The following CLSTN2 variants were observed in gnomAD, a reference collection of about 807,000 sequenced individuals.
CLSTN2 encodes the protein calsyntenin-2.
CLSTN2 carries 48 observed loss-of-function variants against 101.2 expected under a neutral mutation model. The observed-to-expected ratio is 0.47, with a 90% CI of 0.38 to 0.60. The LOEUF (loss-of-function observed/expected upper bound fraction) is 0.60. CLSTN2 is among the 20% of genes least tolerant of loss of function. CLSTN2 has a pLI of 0.00. For synonymous variants in CLSTN2, 481 were observed against 463.6 expected (o/e 1.04, Z -0.48); for missense variants, 1,160 against 1,238.2 (o/e 0.94, Z 0.95).
At chr3:140,563,046 C>T (rs754560718) in intron 14 of CLSTN2, 34 bp from the exon 15 acceptor site, 2 of 1,613,332 alleles carry the variant, frequency 1.2e-6, no homozygotes, top group Admixed American at 3.3e-5. Context: ...CCTGCCACTC[C>T]TGGGTCAATA....
At chr3:140,010,044 T>C (rs1463518178) in intron 1 of CLSTN2, among the ~76,000 whole-genome samples, 2 of 152,192 alleles carry the variant, frequency 1.3e-5, no homozygotes, top group Non-Finnish European at 2.9e-5. Flanking sequence ...CCACCCACAG[T>C]CATCCATAAC....
chr3:140,330,555 C>T (rs1357952157), intron 2 of CLSTN2, among the ~76,000 whole-genome samples: 4 of 152,130 alleles, frequency 2.6e-5, no homozygotes, highest in African/African-American at 4.8e-5. Flanking sequence ...TTTTCTTGCC[C>T]TCTCACTCTG....
intron 1 of CLSTN2, among the ~76,000 whole-genome samples, chr3:140,004,995 G>C (rs1056060123): frequency 1.3e-5 from 2 of 152,190 alleles, no homozygotes; most frequent in African/African-American, 4.8e-5. Context: ...TGCATTAGGT[G>C]GTCTCTGTCT....
intron 2 of CLSTN2, among the ~76,000 whole-genome samples, chr3:140,362,430 G>T (rs992394683): frequency 1.3e-5 from 2 of 151,994 alleles, no homozygotes; most frequent in African/African-American, 2.4e-5. Flanking sequence ...GACATGAAAA[G>T]CATGACTCAT....
At chr3:140,151,278 A>C (rs1397033987) in intron 1 of CLSTN2, among the ~76,000 whole-genome samples, 1 of 152,014 alleles carries the variant, frequency 6.6e-6, no homozygotes, top group East Asian at 1.9e-4. Context: ...GATACCTTTG[A>C]CCTATGGAGG....
chr3:140,330,900 A>G (rs566128382), intron 2 of CLSTN2, among the ~76,000 whole-genome samples: 33 of 152,208 alleles, frequency 2.2e-4, no homozygotes, highest in Admixed American at 5.9e-4. Flanking sequence ...TCTGCTCACC[A>G]GGTGTATTAA....
At chr3:140,102,440 G>C (rs1252434451) in intron 1 of CLSTN2, among the ~76,000 whole-genome samples, 1 of 152,220 alleles carries the variant, frequency 6.6e-6, no homozygotes, top group Non-Finnish European at 1.5e-5. Context: ...CTGAGCAGGT[G>C]ACTTCAGGCC....
At chr3:140,042,053 G>A (rs779124674) in intron 1 of CLSTN2, among the ~76,000 whole-genome samples, 6 of 152,160 alleles carry the variant, frequency 3.9e-5, no homozygotes, top group Non-Finnish European at 7.3e-5. Context: ...CCTATTTAAA[G>A]AGCATGAGTC....
At chr3:140,414,159 A>G (rs2088399763) in intron 4 of CLSTN2, among the ~76,000 whole-genome samples, 1 of 152,084 alleles carries the variant, frequency 6.6e-6, no homozygotes. Context: ...CAAAGACCCC[A>G]CCAAAGACTG....
At chr3:140,494,335 ACTG>A (rs1934416513) in intron 8 of CLSTN2, among the ~76,000 whole-genome samples, 1 of 152,214 alleles carries the variant, frequency 6.6e-6, no homozygotes, top group Non-Finnish European at 1.5e-5. Context: ...CAGGGAGAGG[ACTG>A]TGAGAGGTAA....
At chr3:140,158,117 C>A (rs1055111660) in intron 1 of CLSTN2, among the ~76,000 whole-genome samples, 6 of 152,128 alleles carry the variant, frequency 3.9e-5, no homozygotes, top group Admixed American at 1.3e-4. Context: ...TGGGCAAAAG[C>A]TGGGAGCATT....
chr3:140,162,153 G>A (rs1306563836), intron 1 of CLSTN2, among the ~76,000 whole-genome samples: 2 of 152,112 alleles, frequency 1.3e-5, no homozygotes, highest in African/African-American at 4.8e-5. Flanking sequence ...TAAAAGCAAA[G>A]AAAGCAAATA....
At chr3:140,378,755 G>T (rs527439527) in intron 2 of CLSTN2, among the ~76,000 whole-genome samples, 9 of 152,298 alleles carry the variant, frequency 5.9e-5, no homozygotes, top group Admixed American at 3.9e-4. Flanking sequence ...GGCCTTGGGT[G>T]AGTCACGTAG....
chr3:140,172,448 A>G (rs1418807739), intron 1 of CLSTN2, among the ~76,000 whole-genome samples: 1 of 152,124 alleles, frequency 6.6e-6, no homozygotes, highest in Non-Finnish European at 1.5e-5. Flanking sequence ...AGGATTTGGC[A>G]AGAACTGGGT....
intron 2 of CLSTN2, among the ~76,000 whole-genome samples, chr3:140,337,728 T>A (rs9873058): frequency 1.3e-5 from 2 of 151,904 alleles, no homozygotes; most frequent in Non-Finnish European, 2.9e-5. Context: ...CAGATTAGGT[T>A]CTCAACTAAA....
Position 140,427,203 on chromosome 3 carries a change from A to ATGTG in CLSTN2, c.787+5931_787+5934dup, listed in dbSNP as rs1157999299. ...AAAAAAAATATATATATATATATAT[A>ATGTG]TGTGTATATATATATATATATGTGT... On this transcript the variant is annotated intron_variant, in intron 5 of 16. Transcript: ENST00000458420. Among the ~76,000 whole-genome samples the ATGTG allele has an allele frequency of 3.9e-3, 443 of 114,262 alleles. 5 individuals are homozygous for ATGTG. Among genetic ancestry groups the ATGTG allele is most frequent in the South Asian group, 6.2e-3 (26 of 4,220 alleles). 75.0% of individuals were successfully genotyped at this position (114,262 alleles called of 152,430 possible). A position where few individuals can be genotyped will look rare whatever the true frequency, so the allele number is the denominator to read the frequency against.
intron 11 of CLSTN2, chr3:140,556,887 G>T (rs76716173): frequency 3.8e-6 from 2 of 526,466 alleles, no homozygotes; most frequent in Non-Finnish European, 6.8e-6. Flanking sequence ...TCTCTATCTT[G>T]TATCTTATCT....
intron 1 of CLSTN2, among the ~76,000 whole-genome samples, chr3:139,959,795 C>G (rs1217076874): frequency 1.3e-5 from 2 of 152,132 alleles, no homozygotes; most frequent in South Asian, 2.1e-4. Flanking sequence ...TACAACTTCT[C>G]TCTGCAGCAC....
intron 1 of CLSTN2, among the ~76,000 whole-genome samples, chr3:140,002,147 G>A (rs1002529231): frequency 3.3e-4 from 50 of 152,132 alleles, no homozygotes; most frequent in African/African-American, 9.7e-4. Context: ...CCATCAAACC[G>A]TTCTCTGTAG....
Sources: gnomAD v4.1 joint callset for allele counts (sites outside exome capture counted in the v4.1 genomes callset) on GRCh38, gnomAD v4.1.1 for gene constraint, MANE v1.5 for transcripts, NCBI Gene and HGNC (gene_info 2026-07-23, HGNC 2026-07-21) for gene names.